Variants in PLEK2 observed in about 807,000 individuals in gnomAD.
The protein encoded by PLEK2 is pleckstrin-2.
Under a neutral mutation model 43.8 loss-of-function variants are expected in PLEK2, and 29 were observed. The ratio of observed to expected loss-of-function variants is 0.66; its 90% CI spans 0.49 to 0.90. The LOEUF is 0.90. PLEK2 is among the 40% of genes least tolerant of loss of function. The pLI, the probability that PLEK2 is intolerant of heterozygous loss-of-function variation, is 0.00. For synonymous variants in PLEK2, 162 were observed against 173.2 expected, an observed-to-expected ratio of 0.94 and a Z score of 0.51; for missense variants, 398 against 448.1, an observed-to-expected ratio of 0.89 and a Z score of 1.01.
At chr14:67,391,917 AGGAGGCGTGCAG>A in intron 6 of PLEK2, among the ~76,000 whole-genome samples, 1 of 152,240 alleles carries the variant, frequency 6.6e-6, no homozygotes, top group African/African-American at 2.4e-5. Context: ...AAGTGTATCA[AGGAGGCGTGCAG>A]AATCTCACAA....
chr14:67,390,520 G>A, intron 7 of PLEK2, 143 bp downstream of exon 7: 1 of 704,218 alleles, frequency 1.4e-6, no homozygotes, highest in Non-Finnish European at 2.6e-6. Context: ...CTTGGACTGT[G>A]GAAGGAAAGG....
At chr14:67,394,523 C>T (rs1340514469) in intron 3 of PLEK2, among the ~76,000 whole-genome samples, 1 of 152,196 alleles carries the variant, frequency 6.6e-6, no homozygotes, top group Non-Finnish European at 1.5e-5. Context: ...TGCCTACCCA[C>T]CTTTATCTGC....
intron 7 of PLEK2, 144 bp from the exon 8 acceptor site, chr14:67,388,446 C>A: frequency 1.5e-6 from 1 of 655,744 alleles, no homozygotes; most frequent in South Asian, 1.7e-5. Context: ...CATCACATGG[C>A]CAAAGCTGCA....
chr14:67,387,421 CTT>C lies in PLEK2; in HGVS notation c.968_969del (p.Lys323SerfsTer4). 6.2e-7 allele frequency: 1 copy of C among 1,610,046 alleles called. No homozygotes were observed. Among genetic ancestry groups the C allele is most frequent in the Non-Finnish European group, 8.5e-7 (1 of 1,178,438 alleles). On this transcript the variant is annotated frameshift_variant, in exon 9 of 9. Transcript: ENST00000216446. LOFTEE classifies it high-confidence loss of function. ...VKGNVQGNLF[K>X]VITKDDTHYY... is the part of the protein sequence containing the mutation. ...TAGTGTGTGTCATCCTTAGTAATCACTTTGAAGAGGTTTCCCTGGACATTCCC... is the reference window on the plus strand; with the variant it reads ...TAGTGTGTGTCATCCTTAGTAATCACTGAAGAGGTTTCCCTGGACATTCCC...
chr14:67,408,335 AAAATAAAATAAAATAAAAT>A lies in PLEK2; in HGVS notation c.42+3664_42+3682del, dbSNP rs1188970356. 1.9e-4 allele frequency among the ~76,000 whole-genome samples: 28 copies of A among 146,848 alleles called. No homozygotes were observed. In the South Asian group the frequency reaches 4.6e-3, roughly 24 times the overall value. ...AAAATAAAATAAAATAAAATAAAAT[AAAATAAAATAAAATAAAAT>A]AAAAAAAGAAAAAACAAAGATGGGA... is the stretch of plus-strand genomic sequence containing the variant. On this transcript the variant is annotated intron_variant, in intron 1 of 8. Coordinates refer to ENST00000216446, the MANE Select transcript of PLEK2 (RefSeq NM_016445.3).
chr14:67,400,188 CAG>C (rs2086038391), intron 1 of PLEK2, among the ~76,000 whole-genome samples: 1 of 152,184 alleles, frequency 6.6e-6, no homozygotes, highest in Non-Finnish European at 1.5e-5. Context: ...TGAGCCCAAA[CAG>C]AATTTACTGT....
intron 1 of PLEK2, among the ~76,000 whole-genome samples, chr14:67,401,532 T>G (rs565662660): frequency 7.3e-5 from 11 of 151,638 alleles, no homozygotes; most frequent in Non-Finnish European, 1.3e-4. Context: ...ATAATAATAA[T>G]TTTAAAAAGA....
At chr14:67,391,646 G>A (rs2085969078) in intron 6 of PLEK2, among the ~76,000 whole-genome samples, 3 of 152,208 alleles carry the variant, frequency 2.0e-5, no homozygotes, top group African/African-American at 7.2e-5. Flanking sequence ...TATACAATAT[G>A]TGCACAAACA....
chr14:67,387,591 TAGAGAA>T, intron 8 of PLEK2, 135 bp from the exon 9 acceptor site: 1 of 912,086 alleles, frequency 1.1e-6, no homozygotes, highest in Non-Finnish European at 1.6e-6. Context: ...GGTTTACAGT[TAGAGAA>T]TCCTATCAGA....
chr14:67,405,895 C>T (rs2086075407), intron 1 of PLEK2, among the ~76,000 whole-genome samples: 1 of 152,142 alleles, frequency 6.6e-6, no homozygotes, highest in Non-Finnish European at 1.5e-5. Flanking sequence ...AGACCCTGAG[C>T]CAGTCTTGCA....
At chr14:67,411,222 T>C (rs1327896356) in intron 1 of PLEK2, among the ~76,000 whole-genome samples, 3 of 152,074 alleles carry the variant, frequency 2.0e-5, no homozygotes, top group Non-Finnish European at 4.4e-5. Flanking sequence ...TTTGTTCATC[T>C]TCTACCATAA....
At chr14:67,390,528 A>G in intron 7 of PLEK2, 135 bp downstream of exon 7, 2 of 721,696 alleles carry the variant, frequency 2.8e-6, no homozygotes, top group South Asian at 3.1e-5. Context: ...GTGGAAGGAA[A>G]GGCATGGTGC....
At chr14:67,401,345 T>C (rs2086047497) in intron 1 of PLEK2, among the ~76,000 whole-genome samples, 1 of 151,482 alleles carries the variant, frequency 6.6e-6, no homozygotes, top group South Asian at 2.1e-4. Context: ...AATAAATAAA[T>C]AAACAAATAA....
Position 67,407,855 on chromosome 14 carries a change from C to T in PLEK2, c.42+4163G>A, listed in dbSNP as rs1421936278. ...GGGCCCAGTGGTGTGTACTTGTAGT[C>T]CCAGCTACTTGGGAGGCTGAGCCAG... On this transcript the variant is annotated intron_variant, in intron 1 of 8. Transcript: ENST00000216446. 6.6e-5 allele frequency among the ~76,000 whole-genome samples: 10 copies of T among 152,276 alleles called. No homozygotes were observed. The East Asian group carries it at 1.4e-3, about 21-fold the overall frequency.
In PLEK2 at chr14:67,408,354, TAA is replaced by T. The variant is rs137936063; in HGVS notation, c.42+3662_42+3663del. Among the ~76,000 whole-genome samples, 18 of 134,866 alleles carry T rather than the reference TAA, an allele frequency of 1.3e-4. No individual in the cohort carries two copies. The East Asian group carries it at 3.2e-3, about 24-fold the overall frequency. 88.5% of individuals were successfully genotyped at this position (134,866 alleles called of 152,430 possible). A position where few individuals can be genotyped will look rare whatever the true frequency, so the allele number is the denominator to read the frequency against. On this transcript the variant is annotated intron_variant, in intron 1 of 8. Transcript: ENST00000216446. ...TAAAATAAAATAAAATAAAATAAAA[TAA>T]AAAAAGAAAAAACAAAGATGGGATG...
intron 1 of PLEK2, among the ~76,000 whole-genome samples, chr14:67,406,288 G>A (rs552717616): frequency 3.9e-5 from 6 of 152,012 alleles, no homozygotes; most frequent in Non-Finnish European, 7.4e-5. Flanking sequence ...TAACTTTTGG[G>A]ATAATTTGTT....
chr14:67,399,984 G>A (rs911656704), intron 1 of PLEK2, among the ~76,000 whole-genome samples: 9 of 152,194 alleles, frequency 5.9e-5, no homozygotes, highest in East Asian at 1.9e-4. Context: ...ATCAAAGTCC[G>A]TTGCCCCAAC....
At chr14:67,404,521 A>C (rs2086067106) in intron 1 of PLEK2, among the ~76,000 whole-genome samples, 1 of 152,084 alleles carries the variant, frequency 6.6e-6, no homozygotes, top group South Asian at 2.1e-4. Flanking sequence ...AAATATTTAA[A>C]ATTTCGAGTT....
In PLEK2 at chr14:67,406,682, G is replaced by A. The variant is rs943292370; in HGVS notation, c.42+5336C>T. The stretch of plus-strand genomic sequence containing the variant: ...CAGCAGCAGAACAGAATAGCCAAAG[G>A]AAGCAGGTGAGACTGGAGTGGGGAG... On this transcript the variant is annotated intron_variant, in intron 1 of 8. Coordinates refer to ENST00000216446, the MANE Select transcript of PLEK2 (RefSeq NM_016445.3). Among the ~76,000 whole-genome samples the A allele has an allele frequency of 5.3e-5, 8 of 152,194 alleles. No individual in the cohort carries two copies. The South Asian group carries it at 8.3e-4, about 16-fold the overall frequency.
Sources: allele counts gnomAD v4.1 joint callset (sites outside exome capture counted in the v4.1 genomes callset), GRCh38; gene constraint gnomAD v4.1.1; transcripts MANE v1.5; gene names NCBI Gene and HGNC (gene_info 2026-07-23, HGNC 2026-07-21).